Variants in EPSTI1 observed in about 807,000 individuals in gnomAD.
EPSTI1 encodes the protein epithelial-stromal interaction protein 1.
EPSTI1 carries 66 observed loss-of-function variants against 49.9 expected under a neutral mutation model. The ratio of observed to expected loss-of-function variants is 1.32; its 90% confidence interval spans 1.08 to 1.62. The LOEUF (loss-of-function observed/expected upper bound fraction) is 1.62, where lower values mean the gene tolerates loss of function less well. EPSTI1 is among the 40% of genes most tolerant of loss of function. The pLI is 0.00. For synonymous variants in EPSTI1, 137 were observed against 130.7 expected, an observed-to-expected ratio of 1.05 and a Z score of -0.33; for missense variants, 394 against 365.5, an observed-to-expected ratio of 1.08 and a Z score of -0.64.
intron 6 of EPSTI1, among the ~76,000 whole-genome samples, chr13:42,932,455 C>T (rs928801831): frequency 4.6e-5 from 7 of 152,006 alleles, no homozygotes; most frequent in African/African-American, 1.7e-4. Flanking sequence ...CCCACACTGC[C>T]CCATATATCT....
rs1474895430 is a variant in EPSTI1 at position 42,978,100 on chromosome 13, C to T, written c.189-7430G>A. On this transcript the variant is annotated intron_variant, in intron 1 of 10. Transcript: ENST00000313624. Reference sequence around the variant, plus strand: ...CCCGGGAGGCGGAGCTTGCAGTGAGCCAAGATCACGCCACTGCACTCCAGC... The same window carrying T: ...CCCGGGAGGCGGAGCTTGCAGTGAGTCAAGATCACGCCACTGCACTCCAGC... 1.3e-5 allele frequency among the ~76,000 whole-genome samples: 2 copies of T among 151,924 alleles called. 1 individual carries two copies. The highest frequency in any genetic ancestry group is 2.9e-5 in the Non-Finnish European group (2 of 67,986).
At position 42,888,335 on chromosome 13, in the gene EPSTI1, A is replaced by G. The variant is rs770978176; in HGVS notation, c.*159T>C. ...CTCCTCCAAACATGCATAAATGAGG[A>G]CAAGGAGAAGCCAGTCACTCCTGAC... is the stretch of plus-strand genomic sequence containing the variant. On this transcript the variant is annotated 3_prime_UTR_variant, in exon 11 of 11. Coordinates refer to ENST00000313624, the MANE Select transcript of EPSTI1 (RefSeq NM_033255.5). The G allele has an allele frequency of 1.2e-6, 2 of 1,614,038 alleles. No individual in the cohort carries two copies. The highest frequency in any genetic ancestry group is 1.7e-6 in the Non-Finnish European group (2 of 1,180,012).
At chr13:42,949,042 T>G (rs980701996) in intron 6 of EPSTI1, among the ~76,000 whole-genome samples, 3 of 152,122 alleles carry the variant, frequency 2.0e-5, no homozygotes, top group African/African-American at 7.2e-5. Context: ...GCCCTAACAC[T>G]AACAGACTCT....
intron 1 of EPSTI1, among the ~76,000 whole-genome samples, chr13:42,975,018 T>A (rs2153434323): frequency 6.6e-6 from 1 of 152,200 alleles, no homozygotes; most frequent in South Asian, 2.1e-4. Flanking sequence ...GAAGTTTTCA[T>A]AGTTCAAGAA....
At chr13:42,959,081 T>C (rs1162940201) in intron 5 of EPSTI1, among the ~76,000 whole-genome samples, 1 of 152,186 alleles carries the variant, frequency 6.6e-6, no homozygotes, top group African/African-American at 2.4e-5. Flanking sequence ...ACTGAGTGCT[T>C]ACCAAGTGCT....
chr13:42,919,691 G>C (rs933049750), intron 7 of EPSTI1, among the ~76,000 whole-genome samples: 6 of 152,174 alleles, frequency 3.9e-5, no homozygotes, highest in African/African-American at 1.4e-4. Flanking sequence ...CAAAAAGAAG[G>C]ATATTTAATT....
intron 5 of EPSTI1, among the ~76,000 whole-genome samples, chr13:42,954,793 A>C (rs1041929720): frequency 6.6e-6 from 1 of 152,242 alleles, no homozygotes. Flanking sequence ...AACACATTCT[A>C]CTATCCAGGA....
At chr13:42,916,025 A>G (rs1011381135) in intron 8 of EPSTI1, among the ~76,000 whole-genome samples, 2 of 152,140 alleles carry the variant, frequency 1.3e-5, no homozygotes, top group African/African-American at 2.4e-5. Context: ...AAAATAAATC[A>G]TATCTACAAC....
At chr13:42,896,439 C>G (rs991164052) in intron 9 of EPSTI1, among the ~76,000 whole-genome samples, 10 of 152,168 alleles carry the variant, frequency 6.6e-5, no homozygotes, top group Non-Finnish European at 1.5e-4. Context: ...CTGTTCTTAT[C>G]CAGTCTTTTT....
intron 1 of EPSTI1, among the ~76,000 whole-genome samples, chr13:42,980,425 G>A (rs1321121050): frequency 1.3e-5 from 2 of 152,206 alleles, no homozygotes; most frequent in African/African-American, 4.8e-5. Context: ...GTTCCACATG[G>A]CTGGGGAGGC....
chr13:42,980,422 A>G (rs1222711796), intron 1 of EPSTI1, among the ~76,000 whole-genome samples: 1 of 152,232 alleles, frequency 6.6e-6, no homozygotes, highest in Non-Finnish European at 1.5e-5. Context: ...ACAGTTCCAC[A>G]TGGCTGGGGA....
intron 3 of EPSTI1, among the ~76,000 whole-genome samples, chr13:42,964,365 A>G (rs1162258364): frequency 2.6e-5 from 4 of 151,188 alleles, no homozygotes; most frequent in African/African-American, 7.4e-5. Context: ...AAAACAAAAG[A>G]GCACTTTTAC....
In EPSTI1 at chr13:42,943,321, AG is replaced by A. The variant is rs1176990306; in HGVS notation, c.563+10626del. Among the ~76,000 whole-genome samples the A allele has an allele frequency of 5.3e-5, 8 of 152,294 alleles. No individual in the cohort carries two copies. The East Asian group carries it at 1.5e-3, about 29-fold the overall frequency. On this transcript the variant is annotated intron_variant, in intron 6 of 10. Coordinates refer to ENST00000313624, the MANE Select transcript of EPSTI1 (RefSeq NM_033255.5). ...TCTCAGGCTCTATTGTTGGGGGTAA[AG>A]GCTGGAGTTGGCTGCTCACTTTCCT...
chr13:42,921,447 A>G (rs911934155), intron 7 of EPSTI1, among the ~76,000 whole-genome samples: 1 of 152,224 alleles, frequency 6.6e-6, no homozygotes, highest in Non-Finnish European at 1.5e-5. Flanking sequence ...GGACCTGAAC[A>G]TGTTTACCTT....
chr13:42,970,983 A>T (rs2039753469), intron 1 of EPSTI1, among the ~76,000 whole-genome samples: 1 of 152,164 alleles, frequency 6.6e-6, no homozygotes, highest in Non-Finnish European at 1.5e-5. Flanking sequence ...TTCCTTTAAG[A>T]TGGCTTTAGA....
chr13:42,934,598 C>G (rs1244727766), intron 6 of EPSTI1: 2 of 150,290 alleles, frequency 1.3e-5, no homozygotes, highest in African/African-American at 5.2e-5. Context: ...CCTGACCTTT[C>G]TAACAATTGT....
At chr13:42,971,625 C>A (rs759054467) in intron 1 of EPSTI1, among the ~76,000 whole-genome samples, 6 of 141,886 alleles carry the variant, frequency 4.2e-5, no homozygotes, top group Non-Finnish European at 6.2e-5. Context: ...AGGGAAAAAA[C>A]CCCACCCAGA....
At position 42,929,331 on chromosome 13, in the gene EPSTI1, C is replaced by T. The variant is rs541348201; in HGVS notation, c.564-2902G>A. Among the ~76,000 whole-genome samples the T allele has an allele frequency of 2.6e-5, 4 of 152,300 alleles. No individual in the cohort carries two copies. In the East Asian group the frequency reaches 5.8e-4, roughly 22 times the overall value. ...ACTACTTCTTCACTAATTACAGCTT[C>T]GTAGTCACTCTAGGTCCTTCCTATA... On this transcript the variant is annotated intron_variant, in intron 6 of 10. Transcript: ENST00000313624.
intron 8 of EPSTI1, among the ~76,000 whole-genome samples, chr13:42,907,681 T>G (rs928201810): frequency 7.2e-5 from 11 of 152,182 alleles, no homozygotes; most frequent in African/African-American, 2.7e-4. Context: ...AAGTTTAAAT[T>G]TCATTATTTT....
Sources: allele counts gnomAD v4.1 joint callset (sites outside exome capture counted in the v4.1 genomes callset), GRCh38; gene constraint gnomAD v4.1.1; transcripts MANE v1.5; gene names NCBI Gene and HGNC (gene_info 2026-07-23, HGNC 2026-07-21).